The following VANGL1 variants were observed in gnomAD, a reference collection of about 807,000 sequenced individuals.
The protein encoded by VANGL1 is VANGL planar cell polarity protein 1, also known as vang-like protein 1.
VANGL1 carries 18 observed loss-of-function variants against 48.4 expected under a neutral mutation model. That is an observed-to-expected ratio of 0.37 (90% confidence interval 0.26 to 0.55). VANGL1 has a LOEUF of 0.55. Ranked by LOEUF, VANGL1 falls within the 20% of genes least tolerant of loss-of-function variation. VANGL1 has a pLI of 0.81. For missense variants in VANGL1, 667 were observed against 675.8 expected, an observed-to-expected ratio of 0.99 and a Z score of 0.14; for synonymous variants, 257 against 261.8, an observed-to-expected ratio of 0.98 and a Z score of 0.18.
At chr1:115,662,547 G>A (rs138897560) in intron 3 of VANGL1, among the ~76,000 whole-genome samples, 45 of 152,288 alleles carry the variant, frequency 3.0e-4, no homozygotes, top group African/African-American at 7.0e-4. Context: ...AACTAGCAAC[G>A]GCCTAGAAGT....
chr1:115,649,296 C>T (rs78854751), intron 1 of VANGL1, among the ~76,000 whole-genome samples: 1 of 152,160 alleles, frequency 6.6e-6, no homozygotes, highest in Non-Finnish European at 1.5e-5. Flanking sequence ...TACCTCCCCC[C>T]ACAAACCCCC....
At chr1:115,657,345 T>A (rs1652389992) in intron 2 of VANGL1, among the ~76,000 whole-genome samples, 1 of 152,112 alleles carries the variant, frequency 6.6e-6, no homozygotes, top group African/African-American at 2.4e-5. Context: ...CCATAGTAGG[T>A]GTGAATAGAA....
Position 115,682,423 on chromosome 1 carries a change from A to T in VANGL1, c.872A>T (p.Asn291Ile). Residue 291 changes from asparagine (N) to isoleucine (I), a missense_variant, in exon 5 of 8, where the codon AAC becomes ATC. Physicochemically the swap from Asn to Ile is moderately radical, Grantham distance 149 (BLOSUM62 -3). Coordinates refer to ENST00000355485, the MANE Select transcript of VANGL1 (RefSeq NM_138959.3). Reference sequence around the variant, plus strand: ...TACTACAAAGATTTCACCATCTATAACCCAAACCTCCTAACAGCCTCCAAA... The same window carrying T: ...TACTACAAAGATTTCACCATCTATATCCCAAACCTCCTAACAGCCTCCAAA... ...ENYYKDFTIY[N>I]PNLLTASKFR... is the part of the protein sequence containing the mutation. 6.2e-7 allele frequency: 1 copy of T among 1,614,126 alleles called. No homozygotes were observed. Among genetic ancestry groups the T allele is most frequent in the Admixed American group, 1.7e-5 (1 of 60,018 alleles).
rs962446900 is a variant in VANGL1 at position 115,691,450 on chromosome 1, G to T, written c.*71G>T. 35 of 1,494,452 alleles carry T rather than the reference G, an allele frequency of 2.3e-5. No homozygotes were observed. The highest frequency in any genetic ancestry group is 3.1e-5 in the Non-Finnish European group (35 of 1,114,898). 92.6% of individuals were successfully genotyped at this position (1,494,452 alleles called of 1,614,324 possible). The stretch of plus-strand genomic sequence containing the variant: ...AGAGAGATATATATCTATGCCAGAG[G>T]GGTGTCTTTTTTAAAAATTCTTCTT... On this transcript the variant is annotated 3_prime_UTR_variant, in exon 8 of 8. Coordinates refer to ENST00000355485, the MANE Select transcript of VANGL1 (RefSeq NM_138959.3).
intron 4 of VANGL1, among the ~76,000 whole-genome samples, chr1:115,674,307 G>A (rs749698455): frequency 1.9e-4 from 29 of 152,178 alleles, no homozygotes; most frequent in Non-Finnish European, 3.2e-4. Flanking sequence ...TCACTTGACT[G>A]TACTTATTGT....
At position 115,698,107 on chromosome 1, in the gene VANGL1, T is replaced by G. The variant is rs2101049207; in HGVS notation, c.*6728T>G. The G allele has an allele frequency of 6.6e-6, 1 of 151,784 alleles. No homozygotes were observed. Among genetic ancestry groups the G allele is most frequent in the Admixed American group, 6.6e-5 (1 of 15,244 alleles). The allele number at this position is 151,784 out of a possible 1,614,324, so 9.4% of individuals were successfully genotyped here. On this transcript the variant is annotated 3_prime_UTR_variant, in exon 8 of 8. Coordinates refer to ENST00000355485, the MANE Select transcript of VANGL1 (RefSeq NM_138959.3). The stretch of plus-strand genomic sequence containing the variant: ...TAGTGTACCTGTCACCCAAGTTATT[T>G]TGTTCCTTTTTGGGTCCTCCAGTAT...
intron 4 of VANGL1, among the ~76,000 whole-genome samples, chr1:115,667,931 G>A (rs1449151278): frequency 6.6e-6 from 1 of 152,206 alleles, no homozygotes; most frequent in Non-Finnish European, 1.5e-5. Context: ...AATGTGAAAT[G>A]GTAGAACAAC....
At chr1:115,676,464 G>A (rs35128294) in intron 4 of VANGL1, among the ~76,000 whole-genome samples, 39,309 of 152,026 alleles carry the variant, frequency 0.26, 5,542 homozygotes, top group East Asian at 0.53. Context: ...CAAGTTGGCC[G>A]CTTCAACATA....
chr1:115,665,198 A>G (rs1035879241), intron 4 of VANGL1, among the ~76,000 whole-genome samples: 2 of 152,220 alleles, frequency 1.3e-5, no homozygotes, highest in African/African-American at 4.8e-5. Context: ...CCCTGAGGCC[A>G]GGGGCCACCC....
chr1:115,643,471 A>G (rs1651808309), intron 1 of VANGL1, among the ~76,000 whole-genome samples: 1 of 152,160 alleles, frequency 6.6e-6, no homozygotes, highest in African/African-American at 2.4e-5. Flanking sequence ...GTGGGAGGAA[A>G]CTGTTTCTTT....
chr1:115,669,378 T>G (rs1454660145), intron 4 of VANGL1, among the ~76,000 whole-genome samples: 1 of 152,228 alleles, frequency 6.6e-6, no homozygotes, highest in East Asian at 1.9e-4. Flanking sequence ...AATGCTTCAT[T>G]CATTGAGACT....
intron 4 of VANGL1, among the ~76,000 whole-genome samples, chr1:115,665,149 C>T (rs1279246681): frequency 6.6e-6 from 1 of 152,124 alleles, no homozygotes; most frequent in Non-Finnish European, 1.5e-5. Flanking sequence ...TGGTTAGTGG[C>T]CTATTTTTCC....
chr1:115,681,497 T>G (rs1380583262), intron 4 of VANGL1, among the ~76,000 whole-genome samples: 16 of 92,170 alleles, frequency 1.7e-4, no homozygotes, highest in Admixed American at 8.4e-4. Flanking sequence ...CTCTCTTTTT[T>G]TTGTTGTTTT....
intron 1 of VANGL1, among the ~76,000 whole-genome samples, chr1:115,646,060 A>G (rs114887614): frequency 3.3e-5 from 5 of 152,314 alleles, no homozygotes; most frequent in African/African-American, 1.2e-4. Flanking sequence ...ACGATTTGCT[A>G]AACACTGTGT....
chr1:115,664,049 T>C lies in VANGL1; in HGVS notation c.593T>C (p.Val198Ala). The C allele has an allele frequency of 6.2e-7, 1 of 1,614,184 alleles. No homozygotes were observed. Among genetic ancestry groups the C allele is most frequent in the Non-Finnish European group, 8.5e-7 (1 of 1,180,038 alleles). ...LLLVLIFLFV[V>A]SYWLFYGVRI... is the part of the protein sequence containing the mutation. Reference sequence around the variant, plus strand: ...TTGGTCCTCATCTTTCTCTTTGTGGTTTCCTATTGGCTTTTTTACGGGGTC... The same window carrying C: ...TTGGTCCTCATCTTTCTCTTTGTGGCTTCCTATTGGCTTTTTTACGGGGTC... The change falls in exon 4 of 8, where the codon GTT becomes GCT. Residue 198 changes from valine (V) to alanine (A), a missense_variant. By Grantham distance (64) the Val-to-Ala change is moderately conservative (BLOSUM62 0). Transcript: ENST00000355485.
At position 115,692,057 on chromosome 1, in the gene VANGL1, G is replaced by A. The variant is rs1034677525; in HGVS notation, c.*678G>A. The A allele has an allele frequency of 6.5e-5, 10 of 153,116 alleles. No individual in the cohort carries two copies. Among genetic ancestry groups the A allele is most frequent in the Non-Finnish European group, 1.3e-4 (9 of 68,490 alleles). 9.5% of individuals were successfully genotyped at this position (153,116 alleles called of 1,614,324 possible). A position where few individuals can be genotyped will look rare whatever the true frequency, so the allele number is the denominator to read the frequency against. On this transcript the variant is annotated 3_prime_UTR_variant, in exon 8 of 8. Coordinates refer to ENST00000355485, the MANE Select transcript of VANGL1 (RefSeq NM_138959.3). ...GCTTGAAGCAGGTAACCCTTTCCCA[G>A]CCCTGCAGCTGCCCACCTGGCCTCC...
At chr1:115,649,880 G>C (rs1002304709) in intron 1 of VANGL1, among the ~76,000 whole-genome samples, 4 of 152,212 alleles carry the variant, frequency 2.6e-5, no homozygotes, top group Non-Finnish European at 4.4e-5. Context: ...GTACTAAACA[G>C]TGGCTGGGCT....
In VANGL1 at chr1:115,691,461, T is replaced by A. The variant is rs1220826838; in HGVS notation, c.*82T>A. ...TATCTATGCCAGAGGGGTGTCTTTT[T>A]TAAAAATTCTTCTTCATTGCTGACT... is the stretch of plus-strand genomic sequence containing the variant. On this transcript the variant is annotated 3_prime_UTR_variant, in exon 8 of 8. Coordinates refer to ENST00000355485, the MANE Select transcript of VANGL1 (RefSeq NM_138959.3). The A allele has an allele frequency of 2.8e-6, 4 of 1,441,470 alleles. No homozygotes were observed. Among genetic ancestry groups the A allele is most frequent in the Non-Finnish European group, 3.7e-6 (4 of 1,075,906 alleles). The allele number at this position is 1,441,470 out of a possible 1,614,324, so 89.3% of individuals were successfully genotyped here.
rs1431507773 is a variant in VANGL1 at position 115,698,069 on chromosome 1, G to A, written c.*6690G>A. ...TTGTGATGTCAGTAACAGAGTTAGT[G>A]TCTCTGATGGAATAGTGTACCTGTC... On this transcript the variant is annotated 3_prime_UTR_variant, in exon 8 of 8. Coordinates refer to ENST00000355485, the MANE Select transcript of VANGL1 (RefSeq NM_138959.3). 1.3e-5 allele frequency: 2 copies of A among 152,198 alleles called. No individual in the cohort carries two copies. Among genetic ancestry groups the A allele is most frequent in the South Asian group, 2.1e-4 (1 of 4,828 alleles). The allele number at this position is 152,198 out of a possible 1,614,324, so 9.4% of individuals were successfully genotyped here.
Sources: allele counts gnomAD v4.1 joint callset (sites outside exome capture counted in the v4.1 genomes callset), GRCh38; gene constraint gnomAD v4.1.1; transcripts MANE v1.5; gene names NCBI Gene and HGNC (gene_info 2026-07-23, HGNC 2026-07-21).